The following MALRD1 variants were observed in gnomAD, a reference collection of about 807,000 sequenced individuals.
MALRD1 encodes the protein MAM and LDL-receptor class A domain-containing protein 1.
A neutral mutation model predicts 242.1 loss-of-function variants in MALRD1; 247 were observed. That is an observed-to-expected ratio of 1.02 (90% CI 0.92 to 1.13). The LOEUF (loss-of-function observed/expected upper bound fraction) is 1.13. MALRD1 is among the 50% of genes most tolerant of loss of function. The pLI is 0.00. For missense variants in MALRD1, 2,989 were observed against 2,533.1 expected (o/e 1.18, Z -3.86); for synonymous variants, 995 against 866.6 (o/e 1.15, Z -2.60).
intron 34 of MALRD1, among the ~76,000 whole-genome samples, chr10:19,600,515 T>C (rs2131575245): frequency 6.6e-6 from 1 of 152,318 alleles, no homozygotes; most frequent in South Asian, 2.1e-4. Flanking sequence ...TAAATACCCA[T>C]CCTGCTGTAT....
chr10:19,284,190 T>C (rs1180524493), intron 21 of MALRD1, among the ~76,000 whole-genome samples: 2 of 152,206 alleles, frequency 1.3e-5, no homozygotes, highest in Non-Finnish European at 2.9e-5. Context: ...TTTTTTCACT[T>C]TTGTGAAATG....
intron 11 of MALRD1, among the ~76,000 whole-genome samples, chr10:19,149,886 G>A (rs751540224): frequency 6.6e-6 from 1 of 152,044 alleles, no homozygotes; most frequent in Admixed American, 6.6e-5. Flanking sequence ...CTGATTTCTA[G>A]CCCTAGTGTA....
chr10:19,282,117 C>T (rs2496043), intron 20 of MALRD1, among the ~76,000 whole-genome samples: 87,586 of 151,482 alleles, frequency 0.58, 25,633 homozygotes, highest in Admixed American at 0.71. Flanking sequence ...TTATATTTTC[C>T]GATAGTTCTA....
At chr10:19,295,501 T>A (rs1214100751) in intron 21 of MALRD1, among the ~76,000 whole-genome samples, 6 of 151,498 alleles carry the variant, frequency 4.0e-5, no homozygotes, top group Non-Finnish European at 8.8e-5. Context: ...TTTGTGCCCT[T>A]GGCTTGGTTT....
intron 29 of MALRD1, among the ~76,000 whole-genome samples, chr10:19,480,298 G>A (rs771451431): frequency 3.0e-4 from 45 of 152,314 alleles, no homozygotes; most frequent in Admixed American, 1.0e-3. Flanking sequence ...TTAGATCTCA[G>A]CAAAAGGAAC....
intron 36 of MALRD1, among the ~76,000 whole-genome samples, chr10:19,650,726 A>C (rs115537981): frequency 8.7e-4 from 132 of 152,302 alleles, no homozygotes; most frequent in African/African-American, 3.1e-3. Context: ...GCCTGAACTA[A>C]TGTCTCTGTA....
intron 32 of MALRD1, among the ~76,000 whole-genome samples, chr10:19,533,250 A>T (rs1193172212): frequency 6.6e-6 from 1 of 152,170 alleles, no homozygotes; most frequent in Non-Finnish European, 1.5e-5. Flanking sequence ...TTTGAAATAG[A>T]AATAGTGACC....
intron 1 of MALRD1, among the ~76,000 whole-genome samples, chr10:19,052,734 C>A (rs1199193644): frequency 2.0e-5 from 3 of 152,108 alleles, no homozygotes; most frequent in Admixed American, 2.0e-4. Context: ...TTAAATGATG[C>A]CCCTTCCAAG....
chr10:19,711,875 G>C (rs778780341), intron 38 of MALRD1, among the ~76,000 whole-genome samples: 23 of 152,168 alleles, frequency 1.5e-4, no homozygotes, highest in Admixed American at 3.3e-4. Context: ...TAAAATCAGG[G>C]AGTAGCAGGG....
chr10:19,720,470 T>G (rs937158434), intron 38 of MALRD1, among the ~76,000 whole-genome samples: 2 of 152,228 alleles, frequency 1.3e-5, no homozygotes, highest in African/African-American at 4.8e-5. Flanking sequence ...GCATCTGGTT[T>G]GTTTGTTTCT....
intron 14 of MALRD1, among the ~76,000 whole-genome samples, chr10:19,193,156 A>C (rs1836068249): frequency 6.6e-6 from 1 of 152,230 alleles, no homozygotes; most frequent in Admixed American, 6.5e-5. Flanking sequence ...TTCTGAAAGA[A>C]GGCCAACATT....
intron 14 of MALRD1, among the ~76,000 whole-genome samples, chr10:19,199,685 C>G (rs1273224613): frequency 1.3e-5 from 2 of 152,088 alleles, no homozygotes; most frequent in Admixed American, 6.6e-5. Flanking sequence ...CCTGTAATCC[C>G]AGCTACTCAG....
chr10:19,142,186 A>AAG (rs1245849518), intron 10 of MALRD1, among the ~76,000 whole-genome samples: 7 of 150,640 alleles, frequency 4.6e-5, no homozygotes, highest in Non-Finnish European at 8.9e-5. Flanking sequence ...AAAAAAAAAA[A>AAG]AAAAAAAAAA....
At chr10:19,733,397 A>G (rs1835371159) in intron 39 of MALRD1, among the ~76,000 whole-genome samples, 1 of 152,186 alleles carries the variant, frequency 6.6e-6, no homozygotes, top group Non-Finnish European at 1.5e-5. Context: ...TTAAAGGACA[A>G]GGACTTTTAA....
intron 5 of MALRD1, among the ~76,000 whole-genome samples, chr10:19,106,095 G>A (rs1836452421): frequency 6.6e-6 from 1 of 151,546 alleles, no homozygotes; most frequent in Non-Finnish European, 1.5e-5. Flanking sequence ...ATATTTATGG[G>A]GTACATGTGA....
chr10:19,284,520 C>A (rs575296639), intron 21 of MALRD1, among the ~76,000 whole-genome samples: 1 of 149,844 alleles, frequency 6.7e-6, no homozygotes, highest in Non-Finnish European at 1.5e-5. Context: ...TTTGTTCTTG[C>A]GATAGTTTAC....
chr10:19,294,474 A>G (rs1841599019), intron 21 of MALRD1, among the ~76,000 whole-genome samples: 1 of 152,192 alleles, frequency 6.6e-6, no homozygotes, highest in African/African-American at 2.4e-5. Flanking sequence ...TAAAAGATTC[A>G]TAGATTGTAT....
At chr10:19,247,770 A>G (rs1363827203) in intron 18 of MALRD1, among the ~76,000 whole-genome samples, 1 of 152,108 alleles carries the variant, frequency 6.6e-6, no homozygotes, top group Non-Finnish European at 1.5e-5. Context: ...TTACATTTCA[A>G]ATGAAATACT....
Position 19,594,981 on chromosome 10 carries a change from G to T in MALRD1, c.5681-213G>T, listed in dbSNP as rs564407333. Among the ~76,000 whole-genome samples the T allele has an allele frequency of 4.6e-5, 7 of 152,054 alleles. No homozygotes were observed. In the East Asian group the frequency reaches 1.4e-3, roughly 29 times the overall value. On this transcript the variant is annotated intron_variant, in intron 33 of 39. Transcript: ENST00000454679. ...AACCACCTGTTCCCCCCAAATTATT[G>T]AAATTAAAATAATTTTTTATGTTCC...
Sources: gnomAD v4.1 joint callset for allele counts (sites outside exome capture counted in the v4.1 genomes callset) on GRCh38, gnomAD v4.1.1 for gene constraint, MANE v1.5 for transcripts, NCBI Gene and HGNC (gene_info 2026-07-23, HGNC 2026-07-21) for gene names.